Variants in TTLL9 observed in about 807,000 individuals in gnomAD.
The protein encoded by TTLL9 is probable tubulin polyglutamylase TTLL9.
TTLL9 carries 47 observed loss-of-function variants against 65.6 expected under a neutral mutation model. The observed-to-expected ratio is 0.72, with a 90% CI of 0.57 to 0.91. TTLL9 has a LOEUF of 0.91. TTLL9 is among the 40% of genes least tolerant of loss of function. The probability of loss-of-function intolerance (pLI) is 0.00; values close to 1 mark genes in which losing one functional copy is unlikely to be tolerated. For missense variants in TTLL9, 537 were observed against 568.8 expected, an observed-to-expected ratio of 0.94 and a Z score of 0.57; for synonymous variants, 179 against 204.8, an observed-to-expected ratio of 0.87 and a Z score of 1.07.
intron 11 of TTLL9, 46 bp downstream of exon 11, chr20:31,933,904 CCA>C: frequency 6.3e-7 from 1 of 1,576,414 alleles, no homozygotes; most frequent in Non-Finnish European, 8.6e-7. Context: ...CCCTCTGGCG[CCA>C]GGTCGGGGTG....
At chr20:31,882,105 A>C (rs561373636) in intron 2 of TTLL9, among the ~76,000 whole-genome samples, 2 of 152,326 alleles carry the variant, frequency 1.3e-5, no homozygotes, top group African/African-American at 4.8e-5. Flanking sequence ...AGAACATGCC[A>C]GGATATACTT....
At position 31,875,331 on chromosome 20, in the gene TTLL9, A is replaced by G. The variant is rs117488477; in HGVS notation, c.69+4136A>G. ...AACACAGTACATTATTATTATTATT[A>G]CCATTGGCATTACTATTATCATGGA... is the stretch of plus-strand genomic sequence containing the variant. On this transcript the variant is annotated intron_variant, in intron 2 of 14. Coordinates refer to ENST00000535842, the MANE Select transcript of TTLL9 (RefSeq NM_001008409.5). 3.1e-3 allele frequency among the ~76,000 whole-genome samples: 465 copies of G among 152,286 alleles called. 1 individual carries two copies. Among genetic ancestry groups the G allele is most frequent in the Non-Finnish European group, 5.2e-3 (356 of 68,030 alleles).
rs530838802 is a variant in TTLL9, at chr20:31,878,830, C to T, written c.69+7635C>T. Among the ~76,000 whole-genome samples the T allele has an allele frequency of 1.5e-4, 23 of 152,238 alleles. No individual in the cohort carries two copies. The South Asian group carries it at 4.8e-3, about 32-fold the overall frequency. ...AACTTTGTCTCTTTCTTATATATATCTCATATATATTATCTATAGATCTAA... is the reference window on the plus strand; with the variant it reads ...AACTTTGTCTCTTTCTTATATATATTTCATATATATTATCTATAGATCTAA... On this transcript the variant is annotated intron_variant, in intron 2 of 14. Transcript: ENST00000535842.
chr20:31,874,254 T>G (rs1413257343), intron 2 of TTLL9, among the ~76,000 whole-genome samples: 1 of 152,204 alleles, frequency 6.6e-6, no homozygotes, highest in Non-Finnish European at 1.5e-5. Context: ...GTCATTCCCT[T>G]GCTTAAAGCC....
chr20:31,937,305 G>A lies in TTLL9; in HGVS notation c.1005-91G>A, dbSNP rs139466913. On this transcript the variant is annotated intron_variant, in intron 12 of 14. Coordinates refer to ENST00000535842, the MANE Select transcript of TTLL9 (RefSeq NM_001008409.5). ...AGTAGCCTGGATTGAATTGACGGTG[G>A]GGTCCATGCATCCATCTAGCCTCTC... 830 of 778,422 alleles carry A rather than the reference G, an allele frequency of 1.1e-3. 8 individuals carry two copies. In the East Asian group the frequency reaches 0.02, roughly 19 times the overall value. 48.2% of individuals were successfully genotyped at this position (778,422 alleles called of 1,614,324 possible).
At chr20:31,899,151 G>T (rs909561190) in intron 4 of TTLL9, among the ~76,000 whole-genome samples, 2 of 152,230 alleles carry the variant, frequency 1.3e-5, no homozygotes, top group African/African-American at 4.8e-5. Context: ...AAGTTTATCT[G>T]TCTCATTGAA....
intron 14 of TTLL9, 32 bp from the exon 15 acceptor site, chr20:31,942,913 T>G: frequency 6.2e-7 from 1 of 1,612,628 alleles, no homozygotes; most frequent in Non-Finnish European, 8.5e-7. Flanking sequence ...CAAGCATAGG[T>G]CATCCCAGCC....
chr20:31,873,684 GAGAAAGAAAGAAAGAAAGAAAGAA>G (rs143514524), intron 2 of TTLL9, among the ~76,000 whole-genome samples: 14 of 100,512 alleles, frequency 1.4e-4, no homozygotes, highest in Admixed American at 6.2e-4. Context: ...AAGAGAGAGA[GAGAAAGAAAGAAAGAAAGAAAGAA>G]AGAAAGAAAG....
At chr20:31,901,105 C>T (rs926828073) in intron 4 of TTLL9, 1 of 152,268 alleles carries the variant, frequency 6.6e-6, no homozygotes, top group Non-Finnish European at 1.5e-5. Flanking sequence ...AGACTGCCAA[C>T]CCATCAGGTC....
chr20:31,925,623 G>A (rs2063888853), intron 9 of TTLL9, among the ~76,000 whole-genome samples: 1 of 152,096 alleles, frequency 6.6e-6, no homozygotes, highest in South Asian at 2.1e-4. Flanking sequence ...GGGTGTCCAA[G>A]ACAGACTCCA....
intron 10 of TTLL9, among the ~76,000 whole-genome samples, chr20:31,928,885 A>G (rs1384308935): frequency 6.6e-6 from 1 of 152,160 alleles, no homozygotes; most frequent in East Asian, 1.9e-4. Context: ...TATCTTAGTG[A>G]TTGATTGATT....
chr20:31,874,248 T>C (rs2063006628), intron 2 of TTLL9, among the ~76,000 whole-genome samples: 1 of 152,192 alleles, frequency 6.6e-6, no homozygotes, highest in Non-Finnish European at 1.5e-5. Flanking sequence ...CACCCTGTCA[T>C]TCCCTTGCTT....
rs755460175 is a variant in TTLL9 at position 31,923,067 on chromosome 20, G to C, written c.664+14G>C. The C allele has an allele frequency of 6.3e-7, 1 of 1,589,596 alleles. No individual in the cohort carries two copies. The highest frequency in any genetic ancestry group is 1.1e-5 in the South Asian group (1 of 90,556). On this transcript the variant is annotated intron_variant, in intron 8 of 14. Coordinates refer to ENST00000535842, the MANE Select transcript of TTLL9 (RefSeq NM_001008409.5). ...ACCTGATAGGAGGTGAGATGGCTGTGTCTGCTCCTGCTCTTCCATTGCATG... is the reference window on the plus strand; with the variant it reads ...ACCTGATAGGAGGTGAGATGGCTGTCTCTGCTCCTGCTCTTCCATTGCATG...
intron 3 of TTLL9, among the ~76,000 whole-genome samples, chr20:31,889,966 ATCTCTC>A (rs200063582): frequency 7.1e-6 from 1 of 140,322 alleles, no homozygotes; most frequent in South Asian, 2.3e-4. Flanking sequence ...ATCAAGCCAC[ATCTCTC>A]TCTTTCTTTC....
At chr20:31,925,378 C>A (rs1229877246) in intron 9 of TTLL9, among the ~76,000 whole-genome samples, 1 of 152,150 alleles carries the variant, frequency 6.6e-6, no homozygotes, top group Non-Finnish European at 1.5e-5. Context: ...TCCTAATAAC[C>A]CAGGGAGGCA....
chr20:31,941,764 C>T (rs909662099), intron 14 of TTLL9, among the ~76,000 whole-genome samples: 1 of 152,090 alleles, frequency 6.6e-6, no homozygotes, highest in Non-Finnish European at 1.5e-5. Flanking sequence ...CCTGTAGAGA[C>T]AAAATCTCAC....
intron 2 of TTLL9, among the ~76,000 whole-genome samples, chr20:31,877,916 TTTG>T (rs1411757545): frequency 2.6e-5 from 4 of 152,346 alleles, no homozygotes; most frequent in African/African-American, 7.2e-5. Flanking sequence ...ATTGCATTTA[TTTG>T]ATGTCCTTTA....
intron 3 of TTLL9, among the ~76,000 whole-genome samples, chr20:31,887,724 G>T (rs971357343): frequency 2.6e-5 from 4 of 152,224 alleles, no homozygotes; most frequent in Admixed American, 1.3e-4. Flanking sequence ...CTCCTAAAGA[G>T]AATCCACTTG....
rs375577405 is a variant in TTLL9, at chr20:31,918,562, G to A, written c.505-1302G>A. Among the ~76,000 whole-genome samples the A allele has an allele frequency of 3.4e-3, 514 of 152,176 alleles. 3 individuals are homozygous for A. Among genetic ancestry groups the A allele is most frequent in the South Asian group, 0.015 (72 of 4,828 alleles). ...AATTTTTAAAGCTATTTTTAGTAGC[G>A]ATGTGATCTCAAGGTCTTTCTACGT... On this transcript the variant is annotated intron_variant, in intron 6 of 14. Coordinates refer to ENST00000535842, the MANE Select transcript of TTLL9 (RefSeq NM_001008409.5).
Sources: gnomAD v4.1 joint callset for allele counts (sites outside exome capture counted in the v4.1 genomes callset) on GRCh38, gnomAD v4.1.1 for gene constraint, MANE v1.5 for transcripts, NCBI Gene and HGNC (gene_info 2026-07-23, HGNC 2026-07-21) for gene names.